The following CTNND2 variants were observed in gnomAD, a reference collection of about 807,000 sequenced individuals.
CTNND2 encodes the protein catenin delta-2.
Under a neutral mutation model 144.4 loss-of-function variants are expected in CTNND2, and 22 were observed. That is an observed-to-expected ratio of 0.15 (90% CI 0.11 to 0.22). CTNND2 has a LOEUF of 0.22. Among genes scored for constraint, CTNND2 ranks in the 10% least tolerant of loss-of-function variants. The pLI is 1.00. For synonymous variants in CTNND2, 751 were observed against 695.6 expected (o/e 1.08, Z -1.25); for missense variants, 1,353 against 1,618.8 (o/e 0.84, Z 2.82).
At chr5:11,467,296 C>T (rs1766771292) in intron 3 of CTNND2, among the ~76,000 whole-genome samples, 1 of 152,230 alleles carries the variant, frequency 6.6e-6, no homozygotes, top group African/African-American at 2.4e-5. Flanking sequence ...TTCATCTCTC[C>T]TCTTCCACTT....
At chr5:11,705,313 A>G (rs1785643132) in intron 2 of CTNND2, among the ~76,000 whole-genome samples, 1 of 152,198 alleles carries the variant, frequency 6.6e-6, no homozygotes, top group Non-Finnish European at 1.5e-5. Flanking sequence ...TCCCCCACCC[A>G]ACTCCATTCC....
intron 2 of CTNND2, among the ~76,000 whole-genome samples, chr5:11,665,226 G>A (rs1056282053): frequency 3.9e-5 from 6 of 152,152 alleles, no homozygotes; most frequent in South Asian, 2.1e-4. Context: ...TGGTGAATCC[G>A]TGGGCTAGCT....
intron 2 of CTNND2, among the ~76,000 whole-genome samples, chr5:11,722,442 A>C (rs192311326): frequency 6.6e-6 from 1 of 152,356 alleles, no homozygotes; most frequent in Admixed American, 6.5e-5. Flanking sequence ...TAAAATAAAA[A>C]AGTGCCAACA....
chr5:11,050,689 G>A (rs1415104114), intron 16 of CTNND2, among the ~76,000 whole-genome samples: 1 of 152,180 alleles, frequency 6.6e-6, no homozygotes, highest in African/African-American at 2.4e-5. Context: ...AACTCAGGAA[G>A]CAAGCCTGCT....
chr5:11,579,819 A>G (rs969546621), intron 2 of CTNND2, among the ~76,000 whole-genome samples: 17 of 152,132 alleles, frequency 1.1e-4, no homozygotes, highest in Middle Eastern at 3.2e-3. Flanking sequence ...ATTTCCATCA[A>G]CTGCAGTTTT....
chr5:11,674,211 A>G (rs1784050413), intron 2 of CTNND2, among the ~76,000 whole-genome samples: 1 of 152,224 alleles, frequency 6.6e-6, no homozygotes, highest in Non-Finnish European at 1.5e-5. Context: ...TTTCCTCCTA[A>G]GAAAATAATC....
chr5:11,107,934 G>A (rs1255982596), intron 14 of CTNND2, among the ~76,000 whole-genome samples: 1 of 152,198 alleles, frequency 6.6e-6, no homozygotes, highest in Non-Finnish European at 1.5e-5. Flanking sequence ...AGGCCACAGT[G>A]TAATTGGGGC....
At chr5:11,430,156 A>C (rs1231888128) in intron 3 of CTNND2, among the ~76,000 whole-genome samples, 1 of 149,238 alleles carries the variant, frequency 6.7e-6, no homozygotes, top group African/African-American at 2.5e-5. Flanking sequence ...AGGCTGGGAC[A>C]GGAGAATTGC....
chr5:11,750,097 T>A (rs989347085), intron 1 of CTNND2, among the ~76,000 whole-genome samples: 1 of 151,950 alleles, frequency 6.6e-6, no homozygotes, highest in Non-Finnish European at 1.5e-5. Context: ...ACCAACTGCA[T>A]AATCTCCCAA....
chr5:11,691,333 C>T (rs988068256), intron 2 of CTNND2, among the ~76,000 whole-genome samples: 1 of 151,614 alleles, frequency 6.6e-6, no homozygotes, highest in Non-Finnish European at 1.5e-5. Flanking sequence ...GATTGCGCCA[C>T]TTCACTCCAG....
chr5:11,460,865 C>T (rs1766148058), intron 3 of CTNND2, among the ~76,000 whole-genome samples: 1 of 152,032 alleles, frequency 6.6e-6, no homozygotes, highest in Non-Finnish European at 1.5e-5. Context: ...TACTGACCAA[C>T]ATGGCGAAAC....
chr5:11,367,005 G>A (rs552184039), intron 7 of CTNND2, among the ~76,000 whole-genome samples: 1 of 152,304 alleles, frequency 6.6e-6, no homozygotes, highest in South Asian at 2.1e-4. Context: ...GTCTTTTGAT[G>A]TGCTGATATT....
intron 3 of CTNND2, among the ~76,000 whole-genome samples, chr5:11,436,396 T>C (rs1763778234): frequency 6.6e-6 from 1 of 152,198 alleles, no homozygotes; most frequent in Non-Finnish European, 1.5e-5. Context: ...CAGAATCTGA[T>C]GTATAAGGTC....
chr5:11,032,327 A>G (rs1406754703), intron 16 of CTNND2, among the ~76,000 whole-genome samples: 1 of 152,208 alleles, frequency 6.6e-6, no homozygotes, highest in Non-Finnish European at 1.5e-5. Flanking sequence ...GATGTTTACA[A>G]TGCTGGAATG....
intron 2 of CTNND2, among the ~76,000 whole-genome samples, chr5:11,660,628 T>C (rs1783150060): frequency 6.6e-6 from 1 of 152,030 alleles, no homozygotes; most frequent in African/African-American, 2.4e-5. Flanking sequence ...AAATAGAATT[T>C]GGGAGGAAAA....
chr5:11,565,489 T>C (rs1282112537), intron 2 of CTNND2, among the ~76,000 whole-genome samples: 1 of 152,254 alleles, frequency 6.6e-6, no homozygotes, highest in Non-Finnish European at 1.5e-5. Context: ...ACTGGCCTTC[T>C]GGCCAACTCT....
chr5:11,761,061 G>A (rs773105201), intron 1 of CTNND2, among the ~76,000 whole-genome samples: 4 of 152,112 alleles, frequency 2.6e-5, no homozygotes, highest in Non-Finnish European at 5.9e-5. Flanking sequence ...GAAACAAGTG[G>A]CTACTGGTAC....
At chr5:11,056,890 C>A (rs2149589571) in intron 16 of CTNND2, among the ~76,000 whole-genome samples, 1 of 152,352 alleles carries the variant, frequency 6.6e-6, no homozygotes, top group Middle Eastern at 3.4e-3. Flanking sequence ...GGCCGCATGC[C>A]AGAGACTCAG....
intron 16 of CTNND2, among the ~76,000 whole-genome samples, chr5:11,051,454 T>G (rs930853762): frequency 6.6e-6 from 1 of 152,236 alleles, no homozygotes; most frequent in Non-Finnish European, 1.5e-5. Flanking sequence ...TTTAGCTGCA[T>G]TGTAAGCCAC....
Sources: gnomAD v4.1 joint callset for allele counts (sites outside exome capture counted in the v4.1 genomes callset) on GRCh38, gnomAD v4.1.1 for gene constraint, MANE v1.5 for transcripts, NCBI Gene and HGNC (gene_info 2026-07-23, HGNC 2026-07-21) for gene names.